Variants in C1GALT1 observed in about 807,000 individuals in gnomAD.
C1GALT1 encodes glycoprotein-N-acetylgalactosamine 3-beta-galactosyltransferase 1.
C1GALT1 carries 11 observed loss-of-function variants against 31.0 expected under a neutral mutation model. That is an observed-to-expected ratio of 0.36 (90% CI 0.22 to 0.59). C1GALT1 has a LOEUF of 0.59. Among genes scored for constraint, C1GALT1 ranks in the 20% least tolerant of loss-of-function variants. C1GALT1 has a pLI of 0.79. For missense variants in C1GALT1, 424 were observed against 425.2 expected, an observed-to-expected ratio of 1.00 and a Z score of 0.03; for synonymous variants, 175 against 143.6, an observed-to-expected ratio of 1.22 and a Z score of -1.56.
At chr7:7,221,898 T>C (rs1295735562) in intron 1 of C1GALT1, among the ~76,000 whole-genome samples, 1 of 152,096 alleles carries the variant, frequency 6.6e-6, no homozygotes, top group Non-Finnish European at 1.5e-5. Flanking sequence ...TCTGGAAAAT[T>C]TGCTTCCTGA....
chr7:7,227,536 CG>C (rs1375631619), intron 1 of C1GALT1, among the ~76,000 whole-genome samples: 3 of 151,850 alleles, frequency 2.0e-5, no homozygotes, highest in African/African-American at 7.3e-5. Flanking sequence ...CCGGCTAAAA[CG>C]GTGAAACCCC....
In C1GALT1 at chr7:7,238,397, GAGTTCAGA is replaced by G. The variant is rs1783465160; in HGVS notation, c.366_373del (p.Ser122ArgfsTer3). 3.1e-6 allele frequency: 5 copies of G among 1,614,080 alleles called. No individual in the cohort carries two copies. Among genetic ancestry groups the G allele is most frequent in the Non-Finnish European group, 2.5e-6 (3 of 1,179,982 alleles). ...AGCGTTGTAACAAAGTGTTGTTTAT[GAGTTCAGA>G]AGAAAATAAAGACTTCCCTGCTGTG... On this transcript the variant is annotated frameshift_variant, in exon 3 of 4. Coordinates refer to ENST00000436587, the MANE Select transcript of C1GALT1 (RefSeq NM_020156.5). LOFTEE classifies it high-confidence loss of function. The surrounding 1 kb of genome is among the most constrained non-coding windows in gnomAD (Gnocchi z 5.2).
chr7:7,201,723 T>G (rs1781538731), intron 1 of C1GALT1, among the ~76,000 whole-genome samples: 1 of 152,184 alleles, frequency 6.6e-6, no homozygotes, highest in African/African-American at 2.4e-5. Context: ...TGAGCAGTAT[T>G]GAGAAGCTGC....
chr7:7,166,678 A>G (rs1780395976), intron 2 of C1GALT1, among the ~76,000 whole-genome samples: 1 of 152,202 alleles, frequency 6.6e-6, no homozygotes, highest in African/African-American at 2.4e-5. Context: ...CCGGGTTGAA[A>G]TCCGTGTTAT....
rs1325778988 is a variant in C1GALT1, at chr7:7,245,341, C to T, written c.*1614C>T. 1 of 152,348 alleles carries T rather than the reference C, an allele frequency of 6.6e-6. No homozygotes were observed. Among genetic ancestry groups the T allele is most frequent in the Non-Finnish European group, 1.5e-5 (1 of 68,136 alleles). 9.4% of individuals were successfully genotyped at this position (152,348 alleles called of 1,614,324 possible). On this transcript the variant is annotated 3_prime_UTR_variant, in exon 4 of 4. Transcript: ENST00000436587. ...TACAGGCACGCGCTGCCACGCCCCG[C>T]CAGTTTTCATATTTTTAGTAGAGAC...
At chr7:7,162,681 G>A (rs1014612223) in intron 2 of C1GALT1, among the ~76,000 whole-genome samples, 280 of 150,912 alleles carry the variant, frequency 1.9e-3, no homozygotes, top group African/African-American at 6.6e-3. Context: ...GATCCCTGAG[G>A]AATCGCCACA....
intron 2 of C1GALT1, among the ~76,000 whole-genome samples, chr7:7,162,371 T>C (rs1320114436): frequency 4.0e-5 from 6 of 149,762 alleles, no homozygotes; most frequent in African/African-American, 7.4e-5. Context: ...TGGTGTTTGG[T>C]TTTTTGTCCT....
At chr7:7,170,718 G>T (rs1203961223) in intron 2 of C1GALT1, among the ~76,000 whole-genome samples, 2 of 152,304 alleles carry the variant, frequency 1.3e-5, no homozygotes, top group South Asian at 2.1e-4. Flanking sequence ...GGAGGCAGAG[G>T]TTGCAGTGAG....
intron 1 of C1GALT1, among the ~76,000 whole-genome samples, chr7:7,207,824 A>G (rs1181816931): frequency 1.3e-5 from 2 of 151,278 alleles, no homozygotes; most frequent in African/African-American, 4.9e-5. Flanking sequence ...TCTCTTTGCC[A>G]AAGATCAGTC....
intron 3 of C1GALT1, among the ~76,000 whole-genome samples, chr7:7,241,000 G>C (rs898124996): frequency 4.6e-5 from 7 of 151,940 alleles, no homozygotes; most frequent in Non-Finnish European, 1.0e-4. Flanking sequence ...TGACTCTTAA[G>C]CAGTTCCCTT....
At chr7:7,162,097 T>A (rs1405383480) in intron 2 of C1GALT1, among the ~76,000 whole-genome samples, 2 of 151,124 alleles carry the variant, frequency 1.3e-5, no homozygotes, top group Non-Finnish European at 3.0e-5. Flanking sequence ...TTATTAGCTA[T>A]TTTTCTTTTT....
chr7:7,180,948 TG>T (rs1400338702), upstream of C1GALT1, among the ~76,000 whole-genome samples: 2 of 150,152 alleles, frequency 1.3e-5, no homozygotes, highest in South Asian at 2.1e-4. Flanking sequence ...AAAGGCAGGG[TG>T]GGGGCAGGGC....
chr7:7,228,801 G>A (rs77161073), intron 1 of C1GALT1, among the ~76,000 whole-genome samples: 76 of 152,244 alleles, frequency 5.0e-4, no homozygotes, highest in Non-Finnish European at 9.3e-4. Context: ...AAACAATTAC[G>A]TAACACCAAG....
intron 2 of C1GALT1, among the ~76,000 whole-genome samples, chr7:7,170,021 C>G (rs1286409141): frequency 2.0e-5 from 3 of 152,148 alleles, no homozygotes; most frequent in Non-Finnish European, 4.4e-5. Context: ...ATCACTGGTT[C>G]AATCTCTGGC....
At chr7:7,239,739 TCC>T (rs199833747) in intron 3 of C1GALT1, among the ~76,000 whole-genome samples, 1 of 146,476 alleles carries the variant, frequency 6.8e-6, no homozygotes, top group African/African-American at 2.4e-5. Flanking sequence ...ATTGTACTTA[TCC>T]CCTGTCTTTA....
chr7:7,163,820 T>C (rs915612974), intron 2 of C1GALT1, among the ~76,000 whole-genome samples: 8 of 151,708 alleles, frequency 5.3e-5, no homozygotes, highest in Non-Finnish European at 7.4e-5. Flanking sequence ...TAAAAGAGGA[T>C]ACAAACAAAT....
intron 1 of C1GALT1, among the ~76,000 whole-genome samples, chr7:7,223,408 C>T (rs10256877): frequency 2.0e-5 from 3 of 152,022 alleles, no homozygotes; most frequent in Non-Finnish European, 4.4e-5. Flanking sequence ...AGAGATTCTC[C>T]CACCTCAGCC....
At chr7:7,164,783 G>C (rs999715733) in intron 2 of C1GALT1, among the ~76,000 whole-genome samples, 6 of 152,138 alleles carry the variant, frequency 3.9e-5, no homozygotes, top group African/African-American at 1.4e-4. Context: ...GTTTGCACCT[G>C]AGGCAGTTCC....
intron 1 of C1GALT1, among the ~76,000 whole-genome samples, chr7:7,229,615 T>C (rs1197269793): frequency 6.6e-6 from 1 of 152,144 alleles, no homozygotes; most frequent in Non-Finnish European, 1.5e-5. Context: ...AGATTTCTGG[T>C]TAGAGCAAGG....
Sources: allele counts gnomAD v4.1 joint callset (sites outside exome capture counted in the v4.1 genomes callset), GRCh38; gene constraint gnomAD v4.1.1; non-coding constraint Gnocchi (gnomAD v3.1); transcripts MANE v1.5; gene names NCBI Gene and HGNC (gene_info 2026-07-23, HGNC 2026-07-21).